The following PDE4D variants were observed in gnomAD, a reference collection of about 807,000 sequenced individuals.
PDE4D encodes phosphodiesterase 4D.
Under a neutral mutation model 87.4 loss-of-function variants are expected in PDE4D, and 24 were observed. That is an observed-to-expected ratio of 0.27 (90% CI 0.20 to 0.39). The LOEUF (loss-of-function observed/expected upper bound fraction) is 0.39. PDE4D is among the 10% of genes least tolerant of loss of function. PDE4D has a pLI of 1.00. For missense variants in PDE4D, 714 were observed against 1,041.0 expected (o/e 0.69, Z 4.32); for synonymous variants, 384 against 383.2 (o/e 1.00, Z -0.02).
At chr5:60,509,478 CAT>C (rs769573371) in intron 1 of PDE4D, among the ~76,000 whole-genome samples, 20 of 152,352 alleles carry the variant, frequency 1.3e-4, no homozygotes, top group Non-Finnish European at 2.6e-4. Context: ...TTTGCAAACA[CAT>C]AATCTGTGAT....
intron 1 of PDE4D, among the ~76,000 whole-genome samples, chr5:59,720,369 C>A (rs1284511024): frequency 6.6e-6 from 1 of 152,108 alleles, no homozygotes; most frequent in Non-Finnish European, 1.5e-5. Context: ...GTCTTGAACT[C>A]CTGGACTCAA....
At chr5:60,480,133 G>C in intron 1 of PDE4D, among the ~76,000 whole-genome samples, 1 of 152,006 alleles carries the variant, frequency 6.6e-6, no homozygotes, top group East Asian at 1.9e-4. Flanking sequence ...ACCTCAATCA[G>C]TATCACCAAA....
intron 1 of PDE4D, among the ~76,000 whole-genome samples, chr5:60,323,223 C>T (rs984976138): frequency 1.3e-5 from 2 of 152,176 alleles, no homozygotes; most frequent in Non-Finnish European, 2.9e-5. Flanking sequence ...AGGCTCCAGA[C>T]ACAGACTTAA....
intron 1 of PDE4D, among the ~76,000 whole-genome samples, chr5:59,625,817 A>G (rs578253033): frequency 6.6e-6 from 1 of 152,376 alleles, no homozygotes; most frequent in Non-Finnish European, 1.5e-5. Context: ...GCGGTGGCTC[A>G]TGCCTGTAAT....
At chr5:59,570,284 C>T (rs2153695285) in intron 1 of PDE4D, among the ~76,000 whole-genome samples, 1 of 152,294 alleles carries the variant, frequency 6.6e-6, no homozygotes, top group Middle Eastern at 3.4e-3. Flanking sequence ...ATTTAATCTC[C>T]TGATACTTTC....
chr5:58,992,642 G>A (rs745600896), intron 7 of PDE4D, among the ~76,000 whole-genome samples: 18 of 152,092 alleles, frequency 1.2e-4, no homozygotes, highest in Non-Finnish European at 2.4e-4. Context: ...AAGTGAATAC[G>A]TACATAAGCT....
intron 1 of PDE4D, among the ~76,000 whole-genome samples, chr5:59,852,441 C>T (rs1429489601): frequency 1.3e-5 from 2 of 152,054 alleles, no homozygotes; most frequent in African/African-American, 4.8e-5. Flanking sequence ...CCTTAAGCTG[C>T]CCCATGGAGA....
Position 58,969,494 on chromosome 5 carries a change from A to AC in PDE4D, c.*5169dup, listed in dbSNP as rs1201100731. The stretch of plus-strand genomic sequence containing the variant: ...CTTCCTGTCAACTTTTTCCCTAGTT[A>AC]CCTCTTACAATCCTTCAGAACTCAG... On this transcript the variant is annotated 3_prime_UTR_variant, in exon 15 of 15. Transcript: ENST00000340635. 2.0e-5 allele frequency: 3 copies of AC among 152,092 alleles called. No homozygotes were observed. Among genetic ancestry groups the AC allele is most frequent in the African/African-American group, 7.3e-5 (3 of 41,372 alleles). The allele number at this position is 152,092 out of a possible 1,614,324, so 9.4% of individuals were successfully genotyped here. A position where few individuals can be genotyped will look rare whatever the true frequency, so the allele number is the denominator to read the frequency against.
intron 1 of PDE4D, among the ~76,000 whole-genome samples, chr5:60,391,317 C>T (rs1762547907): frequency 6.6e-6 from 1 of 152,202 alleles, no homozygotes; most frequent in African/African-American, 2.4e-5. Context: ...CAGGCTCTAA[C>T]AGCCACCCCG....
intron 1 of PDE4D, among the ~76,000 whole-genome samples, chr5:60,482,735 T>C (rs1748829241): frequency 6.6e-6 from 1 of 152,242 alleles, no homozygotes; most frequent in African/African-American, 2.4e-5. Context: ...AACTAACATG[T>C]AGAATCTAAT....
intron 1 of PDE4D, among the ~76,000 whole-genome samples, chr5:59,339,664 A>G (rs564810566): frequency 2.8e-4 from 42 of 152,328 alleles, no homozygotes; most frequent in African/African-American, 9.4e-4. Context: ...ACGTTCGGTC[A>G]TGTGGGCTCA....
At chr5:59,186,211 C>A (rs1742879784) in intron 3 of PDE4D, among the ~76,000 whole-genome samples, 1 of 152,142 alleles carries the variant, frequency 6.6e-6, no homozygotes, top group Non-Finnish European at 1.5e-5. Context: ...CCTAACAACC[C>A]AGACTGTCTG....
intron 1 of PDE4D, among the ~76,000 whole-genome samples, chr5:59,640,955 C>A (rs180868411): frequency 1.7e-3 from 256 of 152,250 alleles, no homozygotes; most frequent in Middle Eastern, 0.014. Flanking sequence ...CTCCAGTCAA[C>A]TTCATTCTCA....
At chr5:59,145,281 G>C (rs1778464947) in intron 5 of PDE4D, among the ~76,000 whole-genome samples, 1 of 152,128 alleles carries the variant, frequency 6.6e-6, no homozygotes, top group Non-Finnish European at 1.5e-5. Context: ...ATTTGGGAAA[G>C]TGAAATTAAA....
chr5:59,142,976 T>A (rs1778120088), intron 5 of PDE4D, among the ~76,000 whole-genome samples: 1 of 152,188 alleles, frequency 6.6e-6, no homozygotes, highest in Non-Finnish European at 1.5e-5. Flanking sequence ...CTGAAAAATA[T>A]GTTCTAAAAT....
At chr5:60,193,698 AAAAAGAAAAAAAG>A (rs1450397038) in intron 1 of PDE4D, among the ~76,000 whole-genome samples, 4 of 149,446 alleles carry the variant, frequency 2.7e-5, no homozygotes, top group African/African-American at 7.3e-5. Context: ...AAAAAGAAAG[AAAAAGAAAAAAAG>A]AAAAGAAAAA....
At chr5:59,418,085 A>G (rs775916666) in intron 1 of PDE4D, among the ~76,000 whole-genome samples, 34 of 152,210 alleles carry the variant, frequency 2.2e-4, no homozygotes, top group African/African-American at 6.5e-4. Context: ...AATGATTGCT[A>G]TAAGTCCCCT....
intron 1 of PDE4D, among the ~76,000 whole-genome samples, chr5:59,665,862 C>A (rs1001630683): frequency 6.6e-6 from 1 of 152,204 alleles, no homozygotes; most frequent in African/African-American, 2.4e-5. Flanking sequence ...GAACCAGAAA[C>A]CTGGCCCTCA....
At chr5:59,327,037 TA>T (rs1469506582) in intron 1 of PDE4D, among the ~76,000 whole-genome samples, 5 of 152,014 alleles carry the variant, frequency 3.3e-5, no homozygotes, top group African/African-American at 1.2e-4. Context: ...TTTTTAGCAC[TA>T]TTCTTTATTC....
Sources: allele counts gnomAD v4.1 joint callset (sites outside exome capture counted in the v4.1 genomes callset), GRCh38; gene constraint gnomAD v4.1.1; transcripts MANE v1.5; gene names NCBI Gene and HGNC (gene_info 2026-07-23, HGNC 2026-07-21).